The following CCDC88C variants were observed in gnomAD, a reference collection of about 807,000 sequenced individuals.
CCDC88C encodes the protein protein Daple.
Under a neutral mutation model 198.8 loss-of-function variants are expected in CCDC88C, and 131 were observed. The ratio of observed to expected loss-of-function variants is 0.66; its 90% CI spans 0.57 to 0.76. The LOEUF is 0.76. Among genes scored for constraint, CCDC88C ranks in the 30% least tolerant of loss-of-function variants. The probability of loss-of-function intolerance (pLI) is 0.00; values close to 1 mark genes in which losing one functional copy is unlikely to be tolerated. For missense variants in CCDC88C, 2,553 were observed against 2,631.6 expected, an observed-to-expected ratio of 0.97 and a Z score of 0.65; for synonymous variants, 1,166 against 1,114.7, an observed-to-expected ratio of 1.05 and a Z score of -0.92.
At position 91,339,612 on chromosome 14, in the gene CCDC88C, G is replaced by T; in HGVS notation, c.625-150C>A. The T allele has an allele frequency of 1.1e-6, 1 of 889,680 alleles. No individual in the cohort carries two copies. The highest frequency in any genetic ancestry group is 1.7e-6 in the Non-Finnish European group (1 of 594,274). The allele number at this position is 889,680 out of a possible 1,614,324, so 55.1% of individuals were successfully genotyped here. A position where few individuals can be genotyped will look rare whatever the true frequency, so the allele number is the denominator to read the frequency against. ...AGGAAGGTGGGAAAAGGCTGGCATG[G>T]GTTTTGAAAAGAGGTGAAATATTTA... On this transcript the variant is annotated intron_variant, in intron 7 of 29. Coordinates refer to ENST00000389857, the MANE Select transcript of CCDC88C (RefSeq NM_001080414.4). The surrounding 1 kb of genome is among the most constrained non-coding windows in gnomAD (Gnocchi z 5.8).
At chr14:91,397,895 G>A (rs972327453) in intron 3 of CCDC88C, among the ~76,000 whole-genome samples, 3 of 152,230 alleles carry the variant, frequency 2.0e-5, no homozygotes, top group Admixed American at 6.5e-5. Context: ...ATTCTAGAAA[G>A]CCTGGCTTTT....
chr14:91,331,201 T>C (rs1892811582), intron 10 of CCDC88C, among the ~76,000 whole-genome samples: 2 of 152,226 alleles, frequency 1.3e-5, no homozygotes, highest in South Asian at 2.1e-4. Context: ...AGGTCTGCCT[T>C]TGAGCCCAGG....
chr14:91,278,916 T>TTTC lies in CCDC88C; in HGVS notation c.4768+321_4768+322insGAA, dbSNP rs1555414152. Among the ~76,000 whole-genome samples the TTTC allele has an allele frequency of 2.1e-5, 3 of 144,688 alleles. 1 individual carries two copies. The highest frequency in any genetic ancestry group is 3.0e-5 in the Non-Finnish European group (2 of 66,598). The allele number at this position is 144,688 out of a possible 152,430, so 94.9% of individuals were successfully genotyped here. ...TTTTTTTTTTTTTTTTTTTTTTTTTTCTGAGATAGGGTCTCACTTCTGTTT... is the reference window on the plus strand; with the variant it reads ...TTTTTTTTTTTTTTTTTTTTTTTTTTTTCCTGAGATAGGGTCTCACTTCTGTTT... On this transcript the variant is annotated intron_variant, in intron 28 of 29. Transcript: ENST00000389857.
rs1893174763 is a variant in CCDC88C, at chr14:91,338,784, C to G, written c.810-214G>C. The G allele has an allele frequency of 7.1e-6, 4 of 560,214 alleles. No homozygotes were observed. Among genetic ancestry groups the G allele is most frequent in the Non-Finnish European group, 1.3e-5 (4 of 311,904 alleles). The allele number at this position is 560,214 out of a possible 1,614,324, so 34.7% of individuals were successfully genotyped here. ...TGCAACACCGGCCCTTAAACTATGTCCATCCGCCACTCAGGTCTCCCTCCC... is the reference window on the plus strand; with the variant it reads ...TGCAACACCGGCCCTTAAACTATGTGCATCCGCCACTCAGGTCTCCCTCCC... On this transcript the variant is annotated intron_variant, in intron 8 of 29. Coordinates refer to ENST00000389857, the MANE Select transcript of CCDC88C (RefSeq NM_001080414.4). This position sits in a 1 kb window ranked among gnomAD's most constrained non-coding sequence, Gnocchi z 4.8.
At chr14:91,343,907 C>T (rs1051020951) in intron 4 of CCDC88C, among the ~76,000 whole-genome samples, 2 of 152,048 alleles carry the variant, frequency 1.3e-5, no homozygotes, top group East Asian at 1.9e-4. Context: ...GCAGCCTTGA[C>T]CTCCCAAGGC....
chr14:91,398,741 T>C (rs992966122), intron 3 of CCDC88C, among the ~76,000 whole-genome samples: 2 of 152,184 alleles, frequency 1.3e-5, no homozygotes, highest in Non-Finnish European at 2.9e-5. Flanking sequence ...CACCACAGGC[T>C]GGGAGTGCAG....
Position 91,308,585 on chromosome 14 carries a change from A to G in CCDC88C, c.2865-93T>C, listed in dbSNP as rs1196355697. On this transcript the variant is annotated intron_variant, in intron 16 of 29. Coordinates refer to ENST00000389857, the MANE Select transcript of CCDC88C (RefSeq NM_001080414.4). Reference sequence around the variant, plus strand: ...CTGCCAACACATCACTCCTTCCATTAGGCTGGGTTACGGAGCTGCTGCAGC... The same window carrying G: ...CTGCCAACACATCACTCCTTCCATTGGGCTGGGTTACGGAGCTGCTGCAGC... 19 of 1,317,720 alleles carry G rather than the reference A, an allele frequency of 1.4e-5. No individual in the cohort carries two copies. The Admixed American group carries it at 3.4e-4, about 23-fold the overall frequency. 81.6% of individuals were successfully genotyped at this position (1,317,720 alleles called of 1,614,324 possible). A position where few individuals can be genotyped will look rare whatever the true frequency, so the allele number is the denominator to read the frequency against.
chr14:91,343,800 C>T (rs1464265985), intron 4 of CCDC88C, 143 bp from the exon 5 acceptor site: 1 of 935,942 alleles, frequency 1.1e-6, no homozygotes, highest in African/African-American at 1.6e-5. Context: ...CTCCATCGAT[C>T]TTCCATGTGT....
intron 29 of CCDC88C, among the ~76,000 whole-genome samples, chr14:91,274,208 G>C (rs1019733188): frequency 1.3e-5 from 2 of 152,100 alleles, no homozygotes; most frequent in African/African-American, 4.8e-5. Flanking sequence ...AATGGGGATG[G>C]GAGGGGGTGG....
chr14:91,299,904 C>T lies in CCDC88C; in HGVS notation c.3779+23G>A, dbSNP rs572831839. 1.3e-5 allele frequency: 21 copies of T among 1,569,888 alleles called. No homozygotes were observed. The South Asian group carries it at 1.8e-4, about 14-fold the overall frequency. On this transcript the variant is annotated intron_variant, in intron 21 of 29. Transcript: ENST00000389857. ...ACAGAATCTGGGGTGCTGCTATGTG[C>T]AGGGCCGGGCGCCGGCGCTCACCTG...
intron 1 of CCDC88C, chr14:91,417,046 G>C (rs1046376826): frequency 8.6e-6 from 6 of 700,932 alleles, no homozygotes; most frequent in Non-Finnish European, 1.0e-5. Flanking sequence ...CGAGACAGGA[G>C]GAAAAACTTC....
intron 16 of CCDC88C, among the ~76,000 whole-genome samples, chr14:91,309,627 A>AT (rs1435208577): frequency 6.6e-6 from 1 of 151,776 alleles, no homozygotes; most frequent in Non-Finnish European, 1.5e-5. Flanking sequence ...AAAAAAAAAA[A>AT]ATTAAGAAGC....
chr14:91,394,016 C>A (rs762504029), intron 3 of CCDC88C, among the ~76,000 whole-genome samples: 1 of 152,180 alleles, frequency 6.6e-6, no homozygotes, highest in East Asian at 1.9e-4. Context: ...TTTAAAGGCA[C>A]GTAAATCTGA....
intron 22 of CCDC88C, among the ~76,000 whole-genome samples, chr14:91,295,700 T>C (rs1156392678): frequency 6.6e-6 from 1 of 152,126 alleles, no homozygotes; most frequent in Non-Finnish European, 1.5e-5. Flanking sequence ...CGAGCACGGC[T>C]CCGAGCACAG....
At chr14:91,383,530 T>C (rs1217145328) in intron 3 of CCDC88C, among the ~76,000 whole-genome samples, 2 of 152,016 alleles carry the variant, frequency 1.3e-5, no homozygotes, top group African/African-American at 2.4e-5. Context: ...ACACTCTGCC[T>C]CCTCGGAGGT....
At chr14:91,344,417 T>A (rs1266935365) in intron 4 of CCDC88C, among the ~76,000 whole-genome samples, 1 of 152,146 alleles carries the variant, frequency 6.6e-6, no homozygotes, top group Non-Finnish European at 1.5e-5. Flanking sequence ...TTATCAACAT[T>A]CTGCACCTCT....
At chr14:91,415,076 C>G (rs1020721322) in intron 2 of CCDC88C, among the ~76,000 whole-genome samples, 3 of 152,116 alleles carry the variant, frequency 2.0e-5, no homozygotes, top group African/African-American at 7.2e-5. Context: ...AATGAAAAGG[C>G]TGGGGATACT....
chr14:91,359,769 G>T, intron 3 of CCDC88C, 58 bp from the exon 4 acceptor site: 1 of 1,468,818 alleles, frequency 6.8e-7, no homozygotes, highest in Non-Finnish European at 9.4e-7. Context: ...AATAAAGAGG[G>T]ATTAAGTAAA....
At chr14:91,373,752 A>C (rs1173742398) in intron 3 of CCDC88C, among the ~76,000 whole-genome samples, 4 of 152,214 alleles carry the variant, frequency 2.6e-5, no homozygotes, top group Non-Finnish European at 5.9e-5. Flanking sequence ...CTCGGCAGGA[A>C]GTGAAAATCT....
Sources: gnomAD v4.1 joint callset for allele counts (sites outside exome capture counted in the v4.1 genomes callset) on GRCh38, gnomAD v4.1.1 for gene constraint, Gnocchi (gnomAD v3.1) non-coding constraint, MANE v1.5 for transcripts, NCBI Gene and HGNC (gene_info 2026-07-23, HGNC 2026-07-21) for gene names.